PTPRQ: variants seen among roughly 807,000 people sequenced by gnomAD.
The protein encoded by PTPRQ is protein tyrosine phosphatase receptor type Q.
Under a neutral mutation model 246.0 loss-of-function variants are expected in PTPRQ, and 199 were observed. The ratio of observed to expected loss-of-function variants is 0.81; its 90% CI spans 0.72 to 0.91. PTPRQ has a LOEUF of 0.91. Among genes scored for constraint, PTPRQ ranks in the 40% least tolerant of loss-of-function variants. PTPRQ has a pLI of 0.00. For synonymous variants in PTPRQ, 869 were observed against 853.2 expected (o/e 1.02, Z -0.32); for missense variants, 2,624 against 2,528.4 (o/e 1.04, Z -0.81).
Position 80,658,016 on chromosome 12 carries a change from C to T in PTPRQ, c.6147C>T (p.Asp2049=), listed in dbSNP as rs780203002. 356 of 1,434,800 alleles carry T rather than the reference C, an allele frequency of 2.5e-4. 2 individuals are homozygous for T. Among genetic ancestry groups the T allele is most frequent in the South Asian group, 1.9e-3 (115 of 59,916 alleles). The allele number at this position is 1,434,800 out of a possible 1,614,324, so 88.9% of individuals were successfully genotyped here. A position where few individuals can be genotyped will look rare whatever the true frequency, so the allele number is the denominator to read the frequency against. Residue 2049 remains aspartate (D), a synonymous_variant, in exon 39 of 45, where the codon GAC becomes GAT. Coordinates refer to ENST00000644991, the MANE Select transcript of PTPRQ (RefSeq NM_001145026.2). ...ATAACAGAGTAAAGCTGATAGCTGA[C>T]GCTAGTGTTCCAGGTTCGGATTATA... The part of the protein sequence containing the change: ...YNNNRVKLIA[D]ASVPGSDYIN...
rs370981623 is a variant in PTPRQ at position 80,546,623 on chromosome 12, G to A, written c.3941G>A (p.Arg1314His). 6.1e-5 allele frequency: 94 copies of A among 1,551,286 alleles called. 1 individual carries two copies. Among genetic ancestry groups the A allele is most frequent in the South Asian group, 1.1e-4 (9 of 84,026 alleles). The change falls in exon 24 of 45, where the codon CGT becomes CAT. Residue 1314 changes from arginine to histidine, a missense_variant. By Grantham distance (29) the Arg-to-His change is conservative (BLOSUM62 0). Coordinates refer to ENST00000644991, the MANE Select transcript of PTPRQ (RefSeq NM_001145026.2). Reference sequence around the variant, plus strand: ...GAACCAGTCAGCACCTACTCTATCCGTGTATCTGCGTTCACCAAAGTTGGA... The same window carrying A: ...GAACCAGTCAGCACCTACTCTATCCATGTATCTGCGTTCACCAAAGTTGGA... ...GLEPVSTYSI[R>H]VSAFTKVGNG...
rs1235042493 is a variant in PTPRQ at position 80,613,511 on chromosome 12, A to G, written c.4919-81A>G. 5.9e-6 allele frequency: 8 copies of G among 1,353,610 alleles called. No homozygotes were observed. The East Asian group carries it at 1.8e-4, about 30-fold the overall frequency. 83.8% of individuals were successfully genotyped at this position (1,353,610 alleles called of 1,614,324 possible). ...TTGTGGAATACTCTTTAAAAACAGA[A>G]GTTCAAAGCAAATAAATTTATGTGG... On this transcript the variant is annotated intron_variant, in intron 28 of 44. Coordinates refer to ENST00000644991, the MANE Select transcript of PTPRQ (RefSeq NM_001145026.2).
chr12:80,627,657 C>T (rs1017589845), intron 33 of PTPRQ, among the ~76,000 whole-genome samples: 4 of 151,918 alleles, frequency 2.6e-5, no homozygotes, highest in African/African-American at 4.8e-5. Context: ...TATGATTTGC[C>T]AAATTATAGT....
Position 80,472,494 on chromosome 12 carries a change from G to A in PTPRQ, c.1186+243G>A, listed in dbSNP as rs74853570. ...GAAATATCATATGTAGTATTGGCCTGTTAGAGATTCACAATAAAATTTAGC... is the reference window on the plus strand; with the variant it reads ...GAAATATCATATGTAGTATTGGCCTATTAGAGATTCACAATAAAATTTAGC... On this transcript the variant is annotated intron_variant, in intron 8 of 44. Coordinates refer to ENST00000644991, the MANE Select transcript of PTPRQ (RefSeq NM_001145026.2). Among the ~76,000 whole-genome samples, 16 of 152,236 alleles carry A rather than the reference G, an allele frequency of 1.1e-4. No individual in the cohort carries two copies. The East Asian group carries it at 1.4e-3, about 13-fold the overall frequency.
At chr12:80,592,369 A>G (rs1365935411) in intron 26 of PTPRQ, among the ~76,000 whole-genome samples, 2 of 152,174 alleles carry the variant, frequency 1.3e-5, no homozygotes, top group Non-Finnish European at 1.5e-5. Context: ...CATTTTTCTA[A>G]TGATAAATAT....
intron 19 of PTPRQ, among the ~76,000 whole-genome samples, chr12:80,538,917 G>T (rs1896066398): frequency 6.6e-6 from 1 of 152,040 alleles, no homozygotes; most frequent in South Asian, 2.1e-4. Flanking sequence ...ATTTATCCAG[G>T]ATACCCTGAC....
At chr12:80,677,280 T>C (rs539553332) in intron 43 of PTPRQ, among the ~76,000 whole-genome samples, 17 of 152,328 alleles carry the variant, frequency 1.1e-4, no homozygotes, top group African/African-American at 3.6e-4. Flanking sequence ...GTCATGTATG[T>C]TTGAAAACAC....
chr12:80,617,285 G>A (rs1408450673), intron 30 of PTPRQ, among the ~76,000 whole-genome samples: 1 of 151,042 alleles, frequency 6.6e-6, no homozygotes, highest in Admixed American at 6.6e-5. Context: ...ACCCCTGCCT[G>A]GAAACATGTA....
intron 29 of PTPRQ, among the ~76,000 whole-genome samples, chr12:80,615,610 G>T (rs751659574): frequency 6.6e-6 from 1 of 151,028 alleles, no homozygotes; most frequent in African/African-American, 2.4e-5. Flanking sequence ...AGGTTATAGC[G>T]TCAGATACTT....
intron 8 of PTPRQ, among the ~76,000 whole-genome samples, chr12:80,480,701 G>A (rs570672102): frequency 3.9e-5 from 6 of 152,174 alleles, no homozygotes; most frequent in Non-Finnish European, 8.8e-5. Context: ...TATCACCACC[G>A]ATCCCACAGA....
Position 80,496,426 on chromosome 12 carries a change from A to T in PTPRQ, c.2167A>T (p.Asn723Tyr). The change falls in exon 14 of 45, where the codon AAC becomes TAC. Residue 723 changes from asparagine (N) to tyrosine (Y), a missense_variant. Physicochemically the swap from Asn to Tyr is moderately radical, Grantham distance 143. Transcript: ENST00000644991. ...ATCAACAACAGACATAATATTAAGG[A>T]ACTTAAGACCTCACACCCTCTATAA... ...NTSTTDIILR[N>Y]LRPHTLYNIS... 1 of 1,550,848 alleles carries T rather than the reference A, an allele frequency of 6.4e-7. No homozygotes were observed. The highest frequency in any genetic ancestry group is 8.7e-7 in the Non-Finnish European group (1 of 1,146,472).
At chr12:80,666,213 C>T (rs192103993) in intron 39 of PTPRQ, among the ~76,000 whole-genome samples, 139 of 151,826 alleles carry the variant, frequency 9.2e-4, no homozygotes, top group South Asian at 4.8e-3. Flanking sequence ...GCTGTATATA[C>T]GCAATGGAAT....
At chr12:80,657,634 A>C (rs1357193340) in intron 38 of PTPRQ, among the ~76,000 whole-genome samples, 1 of 151,898 alleles carries the variant, frequency 6.6e-6, no homozygotes, top group Non-Finnish European at 1.5e-5. Context: ...AATACTGTAT[A>C]GCTTTTAAAA....
intron 38 of PTPRQ, among the ~76,000 whole-genome samples, chr12:80,654,112 CT>C (rs1465246963): frequency 1.8e-5 from 2 of 112,854 alleles, no homozygotes; most frequent in African/African-American, 3.3e-5. Context: ...TCTTTTCTTT[CT>C]TTTTGGACTT....
At chr12:80,485,490 T>C (rs1407152440) in intron 9 of PTPRQ, among the ~76,000 whole-genome samples, 1 of 152,184 alleles carries the variant, frequency 6.6e-6, no homozygotes, top group Non-Finnish European at 1.5e-5. Flanking sequence ...CCCCCACACA[T>C]GCTTTCATTC....
At chr12:80,494,668 C>T (rs545188368) in intron 10 of PTPRQ, among the ~76,000 whole-genome samples, 24 of 151,916 alleles carry the variant, frequency 1.6e-4, no homozygotes, top group Non-Finnish European at 3.4e-4. Flanking sequence ...TGTGTAAAAA[C>T]TAACAAAATT....
intron 8 of PTPRQ, among the ~76,000 whole-genome samples, chr12:80,479,503 C>G (rs1175806871): frequency 1.3e-3 from 187 of 148,536 alleles, no homozygotes; most frequent in Middle Eastern, 3.5e-3. Context: ...ATCATAATGA[C>G]AGGATCAAAT....
chr12:80,501,411 G>T (rs947024462), intron 14 of PTPRQ, among the ~76,000 whole-genome samples: 1 of 151,914 alleles, frequency 6.6e-6, no homozygotes, highest in Non-Finnish European at 1.5e-5. Context: ...GGGCAGTCCA[G>T]GGAAGAGGTC....
At chr12:80,459,736 C>T (rs1256597199) in intron 5 of PTPRQ, among the ~76,000 whole-genome samples, 3 of 152,026 alleles carry the variant, frequency 2.0e-5, no homozygotes, top group African/African-American at 7.2e-5. Context: ...TTAGGGAATT[C>T]TGAAAAGACT....
Sources: gnomAD v4.1 joint callset for allele counts (sites outside exome capture counted in the v4.1 genomes callset) on GRCh38, gnomAD v4.1.1 for gene constraint, MANE v1.5 for transcripts, NCBI Gene and HGNC (gene_info 2026-07-23, HGNC 2026-07-21) for gene names.